Variants in CDH18 observed in about 807,000 individuals in gnomAD.
CDH18 encodes cadherin-18.
CDH18 carries 31 observed loss-of-function variants against 67.9 expected under a neutral mutation model. The observed-to-expected ratio is 0.46, with a 90% CI of 0.34 to 0.62. The LOEUF is 0.62. Among genes scored for constraint, CDH18 ranks in the 20% least tolerant of loss-of-function variants. The pLI is 0.01. For missense variants in CDH18, 890 were observed against 975.5 expected (o/e 0.91, Z 1.17); for synonymous variants, 362 against 347.2 (o/e 1.04, Z -0.48).
intron 5 of CDH18, among the ~76,000 whole-genome samples, chr5:19,640,913 A>G (rs956301036): frequency 3.3e-5 from 5 of 151,992 alleles, no homozygotes; most frequent in African/African-American, 1.2e-4. Context: ...TTTGTGAAAG[A>G]TAATATTGAC....
intron 5 of CDH18, among the ~76,000 whole-genome samples, chr5:19,683,207 C>T (rs1023939168): frequency 2.6e-5 from 4 of 152,010 alleles, no homozygotes; most frequent in Non-Finnish European, 4.4e-5. Context: ...CCTAATCTGA[C>T]ATTGTTGCTT....
chr5:20,124,183 A>G (rs2126436225), intron 2 of CDH18, among the ~76,000 whole-genome samples: 1 of 152,308 alleles, frequency 6.6e-6, no homozygotes. Flanking sequence ...TCCAGTCACG[A>G]AAAAGAAGAA....
chr5:20,226,795 T>G (rs1404782396), intron 2 of CDH18, among the ~76,000 whole-genome samples: 1 of 152,014 alleles, frequency 6.6e-6, no homozygotes, highest in African/African-American at 2.4e-5. Flanking sequence ...TGGAAATATA[T>G]AAACTGTTTA....
chr5:19,519,187 A>G (rs76366883), intron 10 of CDH18, among the ~76,000 whole-genome samples: 3,649 of 152,252 alleles, frequency 0.024, 64 homozygotes, highest in Non-Finnish European at 0.032. Context: ...TAAATGTATT[A>G]TGTCTAGAGT....
chr5:20,231,464 G>A (rs939998702), intron 2 of CDH18, among the ~76,000 whole-genome samples: 3 of 151,842 alleles, frequency 2.0e-5, no homozygotes, highest in Non-Finnish European at 4.4e-5. Flanking sequence ...AGCAGGGTGG[G>A]GTGGCGCTCC....
chr5:19,747,253 G>T lies in CDH18; in HGVS notation c.229-17C>A, dbSNP rs1457879819. 1.3e-6 allele frequency: 2 copies of T among 1,593,070 alleles called. No homozygotes were observed. Among genetic ancestry groups the T allele is most frequent in the South Asian group, 1.1e-5 (1 of 89,900 alleles). On this transcript the variant is annotated splice_polypyrimidine_tract_variant and intron_variant, in intron 3 of 12. Transcript: ENST00000382275. ...GGAGTGCAGCTGTGAAATACACATG[G>T]AATAATTTAGCATATATTTATATTC...
intron 2 of CDH18, among the ~76,000 whole-genome samples, chr5:19,914,328 T>C (rs1484190658): frequency 1.3e-5 from 2 of 152,106 alleles, no homozygotes; most frequent in African/African-American, 4.8e-5. Flanking sequence ...TATAAAGTTA[T>C]ATACTCTCCC....
intron 1 of CDH18, among the ~76,000 whole-genome samples, chr5:20,569,709 C>T (rs1758702609): frequency 1.3e-5 from 2 of 152,164 alleles, no homozygotes; most frequent in Non-Finnish European, 2.9e-5. Context: ...CTTACATATA[C>T]ACAAAAGACT....
intron 5 of CDH18, among the ~76,000 whole-genome samples, chr5:19,655,137 G>A (rs1447814747): frequency 6.6e-6 from 1 of 152,056 alleles, no homozygotes; most frequent in African/African-American, 2.4e-5. Flanking sequence ...CTTTTACCCA[G>A]TATTTCCCTT....
intron 5 of CDH18, among the ~76,000 whole-genome samples, chr5:19,677,149 G>A (rs962501627): frequency 2.0e-5 from 3 of 152,008 alleles, no homozygotes; most frequent in Admixed American, 1.3e-4. Flanking sequence ...GTTAAATGCA[G>A]CTATTGGGAA....
At chr5:19,551,192 T>C (rs543492064) in intron 8 of CDH18, among the ~76,000 whole-genome samples, 9 of 152,206 alleles carry the variant, frequency 5.9e-5, no homozygotes, top group Admixed American at 1.3e-4. Flanking sequence ...GGGTGAGGGA[T>C]GGGCCACTTA....
At chr5:19,989,500 A>C (rs2150382436), upstream of CDH18, among the ~76,000 whole-genome samples, 1 of 152,196 alleles carries the variant, frequency 6.6e-6, no homozygotes, top group African/African-American at 2.4e-5. Flanking sequence ...CCACTCTAAA[A>C]CCTGGAAGGC....
intron 1 of CDH18, among the ~76,000 whole-genome samples, chr5:20,286,813 T>G (rs915340277): frequency 6.6e-6 from 1 of 151,770 alleles, no homozygotes; most frequent in African/African-American, 2.4e-5. Context: ...GGGGATACTG[T>G]GTACTCCCTG....
chr5:19,767,302 G>GA (rs1373402129), intron 3 of CDH18, among the ~76,000 whole-genome samples: 1 of 151,586 alleles, frequency 6.6e-6, no homozygotes. Flanking sequence ...GACAAACGTA[G>GA]AAAAAATGGA....
At chr5:19,708,565 C>T (rs1161651782) in intron 5 of CDH18, among the ~76,000 whole-genome samples, 2 of 152,128 alleles carry the variant, frequency 1.3e-5, no homozygotes, top group Admixed American at 6.5e-5. Context: ...GGCTATGATG[C>T]CCATGCTGAA....
At position 20,363,718 on chromosome 5, in the gene CDH18, ATT is replaced by A. The variant is rs71647400; in HGVS notation, c.-579-108215_-579-108214del. 9.1e-3 allele frequency among the ~76,000 whole-genome samples: 1,341 copies of A among 147,628 alleles called. 15 individuals are homozygous for A. Among genetic ancestry groups the A allele is most frequent in the South Asian group, 0.042 (195 of 4,642 alleles). Reference sequence around the variant, plus strand: ...AACAGATCCCACTTTAGCAAAGTTAATTTTTTTTTTTTTTACACTTTCTCAGT... The same window carrying A: ...AACAGATCCCACTTTAGCAAAGTTAATTTTTTTTTTTTACACTTTCTCAGT... On this transcript the variant is annotated intron_variant, in intron 1 of 14. Coordinates refer to the CDH18 transcript ENST00000507958.
chr5:20,299,634 C>A (rs1438731800), intron 1 of CDH18, among the ~76,000 whole-genome samples: 1 of 151,636 alleles, frequency 6.6e-6, no homozygotes, highest in Non-Finnish European at 1.5e-5. Flanking sequence ...TGGTGCATGC[C>A]TGTAGTCCCA....
intron 2 of CDH18, among the ~76,000 whole-genome samples, chr5:20,218,782 C>A (rs112298709): frequency 0.015 from 2,350 of 152,018 alleles, 28 homozygotes; most frequent in Middle Eastern, 0.048. Context: ...ATTCTGAGGC[C>A]TCCCCAGCCA....
chr5:19,593,707 C>CCTCCTCCTCCTTCTTCTTCCTCTT, intron 6 of CDH18, among the ~76,000 whole-genome samples: 14 of 33,400 alleles, frequency 4.2e-4, no homozygotes, highest in African/African-American at 1.6e-3. Context: ...TCCTCCTCCT[C>CCTCCTCCTCCTTCTTCTTCCTCTT]CTTCTTCTTC....
Sources: allele counts gnomAD v4.1 joint callset (sites outside exome capture counted in the v4.1 genomes callset), GRCh38; gene constraint gnomAD v4.1.1; transcripts MANE v1.5; gene names NCBI Gene and HGNC (gene_info 2026-07-23, HGNC 2026-07-21).